MACROD2: variants seen among roughly 807,000 people sequenced by gnomAD.
MACROD2 encodes ADP-ribose glycohydrolase MACROD2.
A neutral mutation model predicts 70.4 loss-of-function variants in MACROD2; 36 were observed. The observed-to-expected ratio is 0.51, with a 90% CI of 0.39 to 0.68. The LOEUF is 0.68. MACROD2 is among the 30% of genes least tolerant of loss of function. The pLI, the probability that MACROD2 is intolerant of heterozygous loss-of-function variation, is 0.00. For synonymous variants in MACROD2, 172 were observed against 178.8 expected, an observed-to-expected ratio of 0.96 and a Z score of 0.30; for missense variants, 496 against 538.4, an observed-to-expected ratio of 0.92 and a Z score of 0.78.
chr20:15,018,399 A>T (rs2075138091), intron 5 of MACROD2, among the ~76,000 whole-genome samples: 1 of 152,168 alleles, frequency 6.6e-6, no homozygotes, highest in Non-Finnish European at 1.5e-5. Flanking sequence ...TTTTGGGCAA[A>T]GCTATTCAAC....
chr20:14,755,496 T>G (rs1322555513), intron 5 of MACROD2, among the ~76,000 whole-genome samples: 3 of 152,090 alleles, frequency 2.0e-5, no homozygotes, highest in Non-Finnish European at 2.9e-5. Context: ...TCATGAGCAT[T>G]GGCTACGTGA....
intron 5 of MACROD2, among the ~76,000 whole-genome samples, chr20:15,136,483 T>C (rs1394991340): frequency 6.6e-6 from 1 of 152,184 alleles, no homozygotes; most frequent in East Asian, 1.9e-4. Context: ...TTTTAATAAA[T>C]GGTGCTGGGA....
chr20:15,512,743 T>A (rs1398265496), intron 8 of MACROD2, among the ~76,000 whole-genome samples: 1 of 152,220 alleles, frequency 6.6e-6, no homozygotes, highest in Non-Finnish European at 1.5e-5. Context: ...CCCACGGTGC[T>A]TCTAGGTCCC....
At chr20:14,429,057 A>G (rs967656885) in intron 3 of MACROD2, among the ~76,000 whole-genome samples, 9 of 152,176 alleles carry the variant, frequency 5.9e-5, no homozygotes, top group Admixed American at 4.6e-4. Flanking sequence ...TTTAAAAACT[A>G]AATTAACTAC....
chr20:15,855,005 A>G (rs2147152749), intron 8 of MACROD2, among the ~76,000 whole-genome samples: 1 of 152,274 alleles, frequency 6.6e-6, no homozygotes, highest in Non-Finnish European at 1.5e-5. Flanking sequence ...ATCAGGCTAT[A>G]TTTACCCAGG....
intron 3 of MACROD2, among the ~76,000 whole-genome samples, chr20:14,131,173 A>T (rs1379620377): frequency 6.6e-6 from 1 of 152,078 alleles, no homozygotes; most frequent in Non-Finnish European, 1.5e-5. Context: ...ACCTGTTTTC[A>T]TATTGGATAA....
At chr20:14,774,735 G>T (rs553706881) in intron 5 of MACROD2, among the ~76,000 whole-genome samples, 9 of 152,174 alleles carry the variant, frequency 5.9e-5, no homozygotes, top group African/African-American at 2.2e-4. Flanking sequence ...AAGATACTAT[G>T]TAAATCAGGC....
chr20:15,359,096 T>C (rs189337067), intron 6 of MACROD2, among the ~76,000 whole-genome samples: 100 of 152,310 alleles, frequency 6.6e-4, no homozygotes, highest in Middle Eastern at 3.4e-3. Flanking sequence ...CGACCTGATT[T>C]TTCACTTAGA....
intron 8 of MACROD2, among the ~76,000 whole-genome samples, chr20:15,514,658 A>G (rs1030639945): frequency 2.1e-4 from 32 of 151,616 alleles, no homozygotes; most frequent in East Asian, 9.6e-4. Context: ...TATATAAATG[A>G]AAAATAATCA....
intron 13 of MACROD2, among the ~76,000 whole-genome samples, chr20:15,985,351 A>C (rs2066464678): frequency 6.6e-6 from 1 of 152,194 alleles, no homozygotes; most frequent in South Asian, 2.1e-4. Context: ...GAGTTCCAAA[A>C]GATTCAAGAC....
intron 6 of MACROD2, among the ~76,000 whole-genome samples, chr20:15,360,488 T>C (rs1042052598): frequency 1.3e-5 from 2 of 152,200 alleles, no homozygotes; most frequent in Admixed American, 1.3e-4. Context: ...TACTATATTA[T>C]ACTATACTTA....
At chr20:14,711,379 A>G (rs1414277718) in intron 5 of MACROD2, among the ~76,000 whole-genome samples, 1 of 152,230 alleles carries the variant, frequency 6.6e-6, no homozygotes, top group Admixed American at 6.5e-5. Flanking sequence ...AGAAGTTAGA[A>G]AAGCCCAAGC....
chr20:14,108,544 A>G (rs1472696668), intron 3 of MACROD2, among the ~76,000 whole-genome samples: 1 of 151,988 alleles, frequency 6.6e-6, no homozygotes, highest in African/African-American at 2.4e-5. Flanking sequence ...ATCAAGACAC[A>G]CATAGACTAA....
At chr20:14,850,509 G>C (rs2073188657) in intron 5 of MACROD2, 1 of 152,734 alleles carries the variant, frequency 6.5e-6, no homozygotes, top group African/African-American at 2.4e-5. Flanking sequence ...TGCCACTGTT[G>C]TATCACAGAT....
intron 5 of MACROD2, among the ~76,000 whole-genome samples, chr20:15,095,200 C>G (rs1051996177): frequency 4.0e-5 from 6 of 150,842 alleles, no homozygotes; most frequent in Non-Finnish European, 8.9e-5. Flanking sequence ...CCTCAGCCTC[C>G]CCAGTAGCTG....
intron 3 of MACROD2, among the ~76,000 whole-genome samples, chr20:14,132,270 A>G (rs1021487525): frequency 6.6e-6 from 1 of 151,970 alleles, no homozygotes; most frequent in Non-Finnish European, 1.5e-5. Context: ...TTGGTCTTGA[A>G]CTGCTGGGCT....
At chr20:15,986,978 C>A in intron 14 of MACROD2, 88 bp from the exon 15 acceptor site, 2 of 1,272,456 alleles carry the variant, frequency 1.6e-6, no homozygotes, top group South Asian at 1.3e-5. Flanking sequence ...GAAAAAAGAA[C>A]TCTAACTTTC....
chr20:15,786,572 C>A (rs1047490905), intron 8 of MACROD2, among the ~76,000 whole-genome samples: 1 of 152,110 alleles, frequency 6.6e-6, no homozygotes, highest in South Asian at 2.1e-4. Flanking sequence ...AGATAATACT[C>A]CTCCTTTTTC....
chr20:15,176,240 C>T (rs539740303), intron 5 of MACROD2, among the ~76,000 whole-genome samples: 48 of 152,206 alleles, frequency 3.2e-4, no homozygotes, highest in African/African-American at 9.4e-4. Context: ...ACAGCCTGGG[C>T]GTTGTGGATG....
Sources: gnomAD v4.1 joint callset for allele counts (sites outside exome capture counted in the v4.1 genomes callset) on GRCh38, gnomAD v4.1.1 for gene constraint, MANE v1.5 for transcripts, NCBI Gene and HGNC (gene_info 2026-07-23, HGNC 2026-07-21) for gene names.